The following SEMA3E variants were observed in gnomAD, a reference collection of about 807,000 sequenced individuals.
SEMA3E encodes semaphorin 3E, also known as semaphorin-3E.
Under a neutral mutation model 93.6 loss-of-function variants are expected in SEMA3E, and 49 were observed. The observed-to-expected ratio is 0.52, with a 90% CI of 0.42 to 0.66. The LOEUF is 0.66. Ranked by LOEUF, SEMA3E falls within the 30% of genes least tolerant of loss-of-function variation. The pLI is 0.00. For missense variants in SEMA3E, 906 were observed against 964.8 expected (o/e 0.94, Z 0.81); for synonymous variants, 363 against 330.7 (o/e 1.10, Z -1.06).
intron 1 of SEMA3E, among the ~76,000 whole-genome samples, chr7:83,607,061 G>T (rs1056040513): frequency 6.6e-6 from 1 of 152,092 alleles, no homozygotes; most frequent in Non-Finnish European, 1.5e-5. Context: ...TTCCTGTTTG[G>T]TGCAACTGGA....
chr7:83,575,266 T>C (rs1792375072), intron 1 of SEMA3E, among the ~76,000 whole-genome samples: 1 of 151,636 alleles, frequency 6.6e-6, no homozygotes, highest in African/African-American at 2.4e-5. Flanking sequence ...ATCTTGAAAT[T>C]GCTCTTTAGA....
chr7:83,502,580 T>C (rs533985737), intron 1 of SEMA3E, among the ~76,000 whole-genome samples: 1 of 149,636 alleles, frequency 6.7e-6, no homozygotes, highest in East Asian at 2.0e-4. Context: ...AAATAAGCCC[T>C]CCCAGTCTTA....
intron 1 of SEMA3E, among the ~76,000 whole-genome samples, chr7:83,557,494 A>T (rs1791943447): frequency 2.6e-5 from 4 of 152,106 alleles, no homozygotes; most frequent in African/African-American, 9.6e-5. Flanking sequence ...ATTATTTCCA[A>T]TGTAAAAATA....
chr7:83,617,518 TAATTTTATATA>T (rs1190958528), intron 1 of SEMA3E, among the ~76,000 whole-genome samples: 1 of 143,834 alleles, frequency 7.0e-6, no homozygotes, highest in Non-Finnish European at 1.5e-5. Flanking sequence ...AAATAATATA[TAATTTTATATA>T]AATTTTATAT....
At chr7:83,469,055 C>G (rs1253135812) in intron 3 of SEMA3E, among the ~76,000 whole-genome samples, 188 bp downstream of exon 3, 1 of 152,194 alleles carries the variant, frequency 6.6e-6, no homozygotes, top group Admixed American at 6.5e-5. Context: ...AATGGCATCT[C>G]TGCTTCAACT....
At chr7:83,645,701 C>T (rs974083039) in intron 1 of SEMA3E, among the ~76,000 whole-genome samples, 4 of 145,414 alleles carry the variant, frequency 2.8e-5, no homozygotes, top group Admixed American at 1.4e-4. Flanking sequence ...CCTCTTACTA[C>T]CCTTGTACCT....
chr7:83,576,394 A>G (rs1199135157), intron 1 of SEMA3E, among the ~76,000 whole-genome samples: 3 of 152,162 alleles, frequency 2.0e-5, no homozygotes, highest in Non-Finnish European at 4.4e-5. Flanking sequence ...GGCAGCAATA[A>G]GCCAAGCGAA....
intron 1 of SEMA3E, among the ~76,000 whole-genome samples, chr7:83,548,370 CCTGT>C (rs1372025708): frequency 6.6e-6 from 1 of 152,044 alleles, no homozygotes; most frequent in Non-Finnish European, 1.5e-5. Context: ...TTCCCCAGGG[CCTGT>C]CTTCTTTATA....
intron 2 of SEMA3E, among the ~76,000 whole-genome samples, chr7:83,477,873 T>G (rs1416153221): frequency 6.6e-6 from 1 of 151,880 alleles, no homozygotes; most frequent in Non-Finnish European, 1.5e-5. Context: ...AACAGAATTA[T>G]CTAACAGAAC....
At chr7:83,634,619 T>C (rs1323739351) in intron 1 of SEMA3E, among the ~76,000 whole-genome samples, 1 of 152,078 alleles carries the variant, frequency 6.6e-6, no homozygotes, top group Non-Finnish European at 1.5e-5. Context: ...TTTTCCTTCT[T>C]ATTATGGTTA....
intron 4 of SEMA3E, among the ~76,000 whole-genome samples, chr7:83,427,168 T>C (rs938899560): frequency 2.7e-5 from 4 of 150,524 alleles, no homozygotes; most frequent in African/African-American, 1.0e-4. Flanking sequence ...TTTTCCCATA[T>C]GACTTTTCTT....
At chr7:83,436,562 GAGGA>G (rs1414700982) in intron 4 of SEMA3E, among the ~76,000 whole-genome samples, 26 of 152,026 alleles carry the variant, frequency 1.7e-4, no homozygotes, top group Admixed American at 4.6e-4. Context: ...ATGAGAATCA[GAGGA>G]AGGAATGCAA....
chr7:83,631,065 A>G (rs903351738), intron 1 of SEMA3E, among the ~76,000 whole-genome samples: 3 of 152,184 alleles, frequency 2.0e-5, no homozygotes, highest in Non-Finnish European at 4.4e-5. Context: ...AAAATTAAGC[A>G]GTCACAGCTA....
chr7:83,376,303 AG>A, intron 16 of SEMA3E, among the ~76,000 whole-genome samples: 1 of 152,074 alleles, frequency 6.6e-6, no homozygotes, highest in East Asian at 1.9e-4. Flanking sequence ...GGAAAATATG[AG>A]TCATGTAACA....
At chr7:83,496,236 G>A (rs1014501238) in intron 1 of SEMA3E, among the ~76,000 whole-genome samples, 1 of 151,940 alleles carries the variant, frequency 6.6e-6, no homozygotes, top group Admixed American at 6.6e-5. Flanking sequence ...TTGTTACAAT[G>A]CACTGAGATT....
chr7:83,408,343 C>G, intron 6 of SEMA3E, 25 bp downstream of exon 6: 1 of 1,613,332 alleles, frequency 6.2e-7, no homozygotes, highest in South Asian at 1.1e-5. Context: ...AATCCTAATT[C>G]ACATACTCTT....
intron 1 of SEMA3E, among the ~76,000 whole-genome samples, chr7:83,557,262 T>G (rs1053034777): frequency 1.3e-5 from 2 of 151,702 alleles, no homozygotes; most frequent in African/African-American, 4.8e-5. Flanking sequence ...AAAATGAACC[T>G]TACTAATTTT....
At chr7:83,438,079 C>T (rs1260841792) in intron 4 of SEMA3E, among the ~76,000 whole-genome samples, 4 of 152,048 alleles carry the variant, frequency 2.6e-5, no homozygotes, top group African/African-American at 4.8e-5. Context: ...AAAAGAAATT[C>T]AGTATTTTAA....
intron 16 of SEMA3E, chr7:83,371,895 TG>T: frequency 5.9e-6 from 1 of 170,886 alleles, no homozygotes; most frequent in African/African-American, 2.3e-5. Context: ...AAAGGTATTT[TG>T]CTTCTTTTTG....
Sources: allele counts gnomAD v4.1 joint callset (sites outside exome capture counted in the v4.1 genomes callset), GRCh38; gene constraint gnomAD v4.1.1; transcripts MANE v1.5; gene names NCBI Gene and HGNC (gene_info 2026-07-23, HGNC 2026-07-21).